The following ENTR1 variants were observed in gnomAD, a reference collection of about 807,000 sequenced individuals.
ENTR1 encodes endosome associated trafficking regulator 1, also known as endosome-associated-trafficking regulator 1.
ENTR1 carries 47 observed loss-of-function variants against 47.9 expected under a neutral mutation model. The ratio of observed to expected loss-of-function variants is 0.98; its 90% CI spans 0.78 to 1.25. The LOEUF (loss-of-function observed/expected upper bound fraction) is 1.25. ENTR1 is among the 50% of genes most tolerant of loss of function. ENTR1 has a pLI of 0.00. For missense variants in ENTR1, 668 were observed against 570.5 expected (o/e 1.17, Z -1.74); for synonymous variants, 290 against 245.8 (o/e 1.18, Z -1.68).
chr9:136,404,737 C>T (rs1834679612), intron 7 of ENTR1, 44 bp from the exon 8 acceptor site: 2 of 1,601,482 alleles, frequency 1.2e-6, no homozygotes, highest in African/African-American at 1.3e-5. Context: ...TCACTGATGT[C>T]CTCACATTCA....
Position 136,410,451 on chromosome 9 carries a change from G to A in ENTR1, c.-54C>T, listed in dbSNP as rs1835049235. The A allele has an allele frequency of 9.0e-7, 1 of 1,105,386 alleles. No individual in the cohort carries two copies. Among genetic ancestry groups the A allele is most frequent in the African/African-American group, 1.7e-5 (1 of 59,766 alleles). The allele number at this position is 1,105,386 out of a possible 1,614,324, so 68.5% of individuals were successfully genotyped here. Reference sequence around the variant, plus strand: ...CCTAGCCCGGCAGCGGCGGCTCCATGGCCCCGGCTCCGCCCGTGCCGCGGC... The same window carrying A: ...CCTAGCCCGGCAGCGGCGGCTCCATAGCCCCGGCTCCGCCCGTGCCGCGGC... On this transcript the variant is annotated 5_prime_UTR_variant, in exon 1 of 10. Coordinates refer to ENST00000357365, the MANE Select transcript of ENTR1 (RefSeq NM_001039707.2).
rs536507102 is a variant in ENTR1, at chr9:136,409,888, ACTGT to A, written c.220+198_220+201del. The stretch of plus-strand genomic sequence containing the variant: ...CGGGCACTAACCATCCTGTACTGGA[ACTGT>A]CTGTCTTGGGGGAGGTCTCCCCGCA... On this transcript the variant is annotated intron_variant, in intron 2 of 9. Transcript: ENST00000357365. 2.1e-3 allele frequency: 1,543 copies of A among 734,946 alleles called. 1 individual carries two copies. The highest frequency in any genetic ancestry group is 3.2e-3 in the Non-Finnish European group (1,273 of 404,024). The allele number at this position is 734,946 out of a possible 1,614,324, so 45.5% of individuals were successfully genotyped here. A position where few individuals can be genotyped will look rare whatever the true frequency, so the allele number is the denominator to read the frequency against.
chr9:136,404,793 T>G, intron 7 of ENTR1, 100 bp from the exon 8 acceptor site: 2 of 1,220,244 alleles, frequency 1.6e-6, no homozygotes, highest in Non-Finnish European at 1.2e-6. Flanking sequence ...GCACCCAACC[T>G]GGCTGTGGCC....
chr9:136,406,709 TCAG>T (rs1564408688), intron 5 of ENTR1, among the ~76,000 whole-genome samples: 1 of 151,594 alleles, frequency 6.6e-6, no homozygotes, highest in African/African-American at 2.4e-5. Flanking sequence ...ACTGCTGACC[TCAG>T]GTGATCCACC....
intron 3 of ENTR1, 103 bp from the exon 4 acceptor site, chr9:136,408,041 G>A (rs912145473): frequency 8.4e-6 from 6 of 717,772 alleles, no homozygotes; most frequent in Admixed American, 2.2e-5. Context: ...ATGTGAGATC[G>A]GGCAGCCACG....
chr9:136,403,970 C>T, intron 9 of ENTR1, 85 bp downstream of exon 9: 1 of 1,464,238 alleles, frequency 6.8e-7, no homozygotes, highest in East Asian at 2.4e-5. Context: ...TGCCATCAGC[C>T]TGGGCCCCCA....
intron 6 of ENTR1, 152 bp from the exon 7 acceptor site, chr9:136,405,354 G>C: frequency 1.6e-6 from 1 of 620,644 alleles, no homozygotes; most frequent in Non-Finnish European, 2.9e-6. Flanking sequence ...CTCAGGCCTG[G>C]ACCTGTAGCC....
At position 136,408,128 on chromosome 9, in the gene ENTR1, G is replaced by A. The variant is rs1309059502; in HGVS notation, c.290-190C>T. On this transcript the variant is annotated intron_variant, in intron 3 of 9. Transcript: ENST00000357365. The stretch of plus-strand genomic sequence containing the variant: ...AAGGTGGGCAGTGACACAGACGTGC[G>A]TCTGCATTTGCAATCTTCTCCTTCC... 5.9e-5 allele frequency among the ~76,000 whole-genome samples: 9 copies of A among 152,290 alleles called. No individual in the cohort carries two copies. The South Asian group carries it at 8.3e-4, about 14-fold the overall frequency.
chr9:136,410,064 C>T, intron 2 of ENTR1, 26 bp downstream of exon 2: 1 of 1,612,436 alleles, frequency 6.2e-7, no homozygotes, highest in Non-Finnish European at 8.5e-7. Context: ...GGAAGCGTCC[C>T]CGGGGCCGGC....
intron 2 of ENTR1, 107 bp downstream of exon 2, chr9:136,409,983 C>A (rs772090904): frequency 1.6e-5 from 21 of 1,354,570 alleles, no homozygotes; most frequent in Non-Finnish European, 2.1e-5. Flanking sequence ...ACGCAGTGAG[C>A]GCTCTGCACA....
Position 136,408,990 on chromosome 9 carries a change from C to T in ENTR1, c.289+9G>A. 6.2e-7 allele frequency: 1 copy of T among 1,612,142 alleles called. No individual in the cohort carries two copies. Among genetic ancestry groups the T allele is most frequent in the Non-Finnish European group, 8.5e-7 (1 of 1,178,654 alleles). On this transcript the variant is annotated intron_variant, in intron 3 of 9. Transcript: ENST00000357365. The stretch of plus-strand genomic sequence containing the variant: ...GAGACAAGAAGAAAAGGTTGCTGAA[C>T]TACTCTACCTCCAAAATGTGTCCCG...
intron 3 of ENTR1, 103 bp from the exon 4 acceptor site, chr9:136,408,041 G>T: frequency 1.4e-6 from 1 of 717,890 alleles, no homozygotes; most frequent in Non-Finnish European, 2.4e-6. Context: ...ATGTGAGATC[G>T]GGCAGCCACG....
chr9:136,410,429 A>C lies in ENTR1; in HGVS notation c.-32T>G, dbSNP rs1218718618. ...CGGCCCGGCGGGGCACGACCTGCCT[A>C]GCCCGGCAGCGGCGGCTCCATGGCC... On this transcript the variant is annotated 5_prime_UTR_variant, in exon 1 of 10. It removes the in-frame stop codon of an upstream open reading frame in the 5' UTR. Coordinates refer to ENST00000357365, the MANE Select transcript of ENTR1 (RefSeq NM_001039707.2). 5.8e-6 allele frequency: 7 copies of C among 1,214,146 alleles called. No individual in the cohort carries two copies. In the East Asian group the frequency reaches 2.5e-4, roughly 44 times the overall value. The allele number at this position is 1,214,146 out of a possible 1,614,324, so 75.2% of individuals were successfully genotyped here.
Position 136,410,334 on chromosome 9 carries a change from G to A in ENTR1, c.64C>T (p.Pro22Ser). 1 of 1,546,260 alleles carries A rather than the reference G, an allele frequency of 6.5e-7. No individual in the cohort carries two copies. Among genetic ancestry groups the A allele is most frequent in the South Asian group, 1.2e-5 (1 of 83,888 alleles). ...PLSRARSLAI[P>S]DAPAFYERRS... Reference sequence around the variant, plus strand: ...CGGCCCCTGCCCCGCTCACCGTCGGGAATGGCGAGGCTCCGGGCTCGGGAC... The same window carrying A: ...CGGCCCCTGCCCCGCTCACCGTCGGAAATGGCGAGGCTCCGGGCTCGGGAC... Residue 22 changes from proline to serine, a missense_variant, in exon 1 of 10, where the codon CCC (proline) becomes TCC (serine). Coordinates refer to ENST00000357365, the MANE Select transcript of ENTR1 (RefSeq NM_001039707.2).
intron 9 of ENTR1, 76 bp from the exon 10 acceptor site, chr9:136,402,963 GA>G: frequency 2.1e-6 from 2 of 934,836 alleles, no homozygotes. Flanking sequence ...GGAGAAAGGG[GA>G]GGGGTTGGTA....
In ENTR1 at chr9:136,403,941, C is replaced by T. The variant is rs926002272; in HGVS notation, c.1208+114G>A. 11 of 1,294,218 alleles carry T rather than the reference C, an allele frequency of 8.5e-6. No homozygotes were observed. The Admixed American group carries it at 2.3e-4, about 28-fold the overall frequency. The allele number at this position is 1,294,218 out of a possible 1,614,324, so 80.2% of individuals were successfully genotyped here. On this transcript the variant is annotated intron_variant, in intron 9 of 9. Coordinates refer to ENST00000357365, the MANE Select transcript of ENTR1 (RefSeq NM_001039707.2). The stretch of plus-strand genomic sequence containing the variant: ...GAGCACGCGTCCCTCCCTGCAGCTC[C>T]CTGGTCCTCCAGCCACGGTGCCATC...
chr9:136,410,081 GTC>G lies in ENTR1; in HGVS notation c.220+7_220+8del. ...AAGCGTCCCCGGGGCCGGCGCCCTCGTCTCTCACCTGTGTCTCCCACGGAAGC... is the reference window on the plus strand; with the variant it reads ...AAGCGTCCCCGGGGCCGGCGCCCTCGTCTCACCTGTGTCTCCCACGGAAGC... On this transcript the variant is annotated splice_region_variant and intron_variant, in intron 2 of 9. Transcript: ENST00000357365. The G allele has an allele frequency of 6.2e-7, 1 of 1,612,532 alleles. No homozygotes were observed. Among genetic ancestry groups the G allele is most frequent in the Non-Finnish European group, 8.5e-7 (1 of 1,179,884 alleles).
intron 6 of ENTR1, 75 bp from the exon 7 acceptor site, chr9:136,405,277 C>G: frequency 8.6e-7 from 1 of 1,158,466 alleles, no homozygotes; most frequent in South Asian, 1.2e-5. Context: ...ACCTCATGAG[C>G]CAGATAAAAC....
chr9:136,404,237 AAC>A, intron 8 of ENTR1, 43 bp from the exon 9 acceptor site: 1 of 1,555,262 alleles, frequency 6.4e-7, no homozygotes, highest in South Asian at 1.2e-5. Context: ...GCTCCGAGGC[AAC>A]CCGGCTGAAA....
Sources: gnomAD v4.1 joint callset for allele counts (sites outside exome capture counted in the v4.1 genomes callset) on GRCh38, gnomAD v4.1.1 for gene constraint, MANE v1.5 for transcripts, NCBI Gene and HGNC (gene_info 2026-07-23, HGNC 2026-07-21) for gene names.